SEC11C: variants seen among roughly 807,000 people sequenced by gnomAD.
SEC11C encodes the protein SEC11 homolog C, signal peptidase complex subunit, also known as signal peptidase complex catalytic subunit SEC11C.
In SEC11C, 10 loss-of-function variants were observed where a neutral mutation model predicts 21.9. That is an observed-to-expected ratio of 0.46 (90% CI 0.28 to 0.77). SEC11C has a LOEUF of 0.77. Ranked by LOEUF, SEC11C falls within the 30% of genes least tolerant of loss-of-function variation. SEC11C has a pLI of 0.12. For synonymous variants in SEC11C, 83 were observed against 85.6 expected, an observed-to-expected ratio of 0.97 and a Z score of 0.17; for missense variants, 145 against 244.5, an observed-to-expected ratio of 0.59 and a Z score of 2.71.
intron 1 of SEC11C, among the ~76,000 whole-genome samples, chr18:59,143,352 C>CAAAAA (rs36204971): frequency 4.3e-4 from 48 of 111,156 alleles, no homozygotes; most frequent in African/African-American, 9.1e-4. Flanking sequence ...GACTCCATTT[C>CAAAAA]AAAAAAAAAA....
intron 1 of SEC11C, among the ~76,000 whole-genome samples, chr18:59,146,042 C>T (rs1032666574): frequency 2.6e-5 from 4 of 152,268 alleles, no homozygotes; most frequent in South Asian, 2.1e-4. Context: ...CATGAAGTGG[C>T]GCATGACCGC....
chr18:59,153,694 G>A (rs1568067028), intron 3 of SEC11C, among the ~76,000 whole-genome samples: 2 of 151,656 alleles, frequency 1.3e-5, no homozygotes. Context: ...GGGACTACAA[G>A]CATGCACCAT....
intron 3 of SEC11C, 102 bp downstream of exon 3, chr18:59,152,787 GCCAT>G: frequency 9.7e-7 from 1 of 1,026,868 alleles, no homozygotes; most frequent in Non-Finnish European, 1.4e-6. Context: ...TCTGAGTTCT[GCCAT>G]TGACTCACTG....
Position 59,152,643 on chromosome 18 carries a change from G to C in SEC11C, c.305G>C (p.Arg102Pro). ...ATAGTTGTTTTTAAAGTTGAAGGAC[G>C]AGACATTCCAATAGTTCACAGAGTA... The part of the protein sequence containing the change: ...GEIVVFKVEG[R>P]DIPIVHRVIK... Residue 102 changes from arginine (R) to proline (P), a missense_variant, in exon 3 of 6, where the codon CGA becomes CCA. Coordinates refer to ENST00000587834, the MANE Select transcript of SEC11C (RefSeq NM_033280.4). 6.2e-7 allele frequency: 1 copy of C among 1,613,034 alleles called. No homozygotes were observed. Among genetic ancestry groups the C allele is most frequent in the East Asian group, 2.2e-5 (1 of 44,856 alleles).
intron 1 of SEC11C, among the ~76,000 whole-genome samples, chr18:59,148,959 C>T (rs1285570399): frequency 6.6e-6 from 1 of 152,216 alleles, no homozygotes; most frequent in Non-Finnish European, 1.5e-5. Context: ...CCTTTTAAAA[C>T]ATTTATGAAA....
At chr18:59,145,379 G>T (rs966262429) in intron 1 of SEC11C, among the ~76,000 whole-genome samples, 8 of 152,186 alleles carry the variant, frequency 5.3e-5, no homozygotes, top group Non-Finnish European at 1.0e-4. Context: ...CTGATTTCTG[G>T]TCTAGCCAGT....
intron 1 of SEC11C, among the ~76,000 whole-genome samples, chr18:59,142,132 G>A (rs970203421): frequency 6.6e-6 from 1 of 152,140 alleles, no homozygotes; most frequent in Admixed American, 6.5e-5. Flanking sequence ...AGGATTTTAT[G>A]CCTAGAATCT....
intron 1 of SEC11C, among the ~76,000 whole-genome samples, chr18:59,148,518 C>T (rs957065601): frequency 1.5e-4 from 23 of 152,206 alleles, no homozygotes; most frequent in Non-Finnish European, 1.0e-4. Flanking sequence ...TGGGTCTAAA[C>T]GCAGTGGTCT....
At position 59,139,892 on chromosome 18, in the gene SEC11C, C is replaced by T. The variant is rs2069187930; in HGVS notation, c.-57C>T. ...GGTGGGCGGGGGCCGGCAGGTGCTCCGCAGCCGTCTGTGCCACCCAGAGCC... is the reference window on the plus strand; with the variant it reads ...GGTGGGCGGGGGCCGGCAGGTGCTCTGCAGCCGTCTGTGCCACCCAGAGCC... On this transcript the variant is annotated 5_prime_UTR_variant, in exon 1 of 6. Coordinates refer to ENST00000587834, the MANE Select transcript of SEC11C (RefSeq NM_033280.4). 3 of 1,328,504 alleles carry T rather than the reference C, an allele frequency of 2.3e-6. No individual in the cohort carries two copies. The highest frequency in any genetic ancestry group is 2.8e-4 in the Middle Eastern group (1 of 3,614). 82.3% of individuals were successfully genotyped at this position (1,328,504 alleles called of 1,614,324 possible).
intron 4 of SEC11C, 157 bp from the exon 5 acceptor site, chr18:59,157,451 C>G (rs1176114265): frequency 1.7e-6 from 1 of 580,332 alleles, no homozygotes; most frequent in African/African-American, 1.9e-5. Context: ...ACTAATAAAG[C>G]TGTTTGAGAC....
At chr18:59,155,980 C>A in intron 4 of SEC11C, 173 bp downstream of exon 4, 2 of 658,452 alleles carry the variant, frequency 3.0e-6, no homozygotes, top group Non-Finnish European at 4.9e-6. Flanking sequence ...TCCTAAAGAC[C>A]TAAAATCTAA....
intron 1 of SEC11C, among the ~76,000 whole-genome samples, chr18:59,146,542 C>T (rs964950001): frequency 2.6e-5 from 4 of 151,930 alleles, no homozygotes; most frequent in African/African-American, 9.7e-5. Context: ...AAGGCAGGGG[C>T]TGAGGGTTCG....
At chr18:59,155,634 TTAA>T in intron 3 of SEC11C, 51 bp from the exon 4 acceptor site, 1 of 1,574,848 alleles carries the variant, frequency 6.3e-7, no homozygotes, top group African/African-American at 1.4e-5. Context: ...AATATTTTTG[TTAA>T]TGATGCTGTG....
chr18:59,143,366 A>G (rs2069233703), intron 1 of SEC11C, among the ~76,000 whole-genome samples: 1 of 151,792 alleles, frequency 6.6e-6, no homozygotes, highest in Non-Finnish European at 1.5e-5. Context: ...AAAAAAAAAA[A>G]AAAAAAAAAG....
chr18:59,157,538 GT>G, intron 4 of SEC11C, 69 bp from the exon 5 acceptor site: 1 of 1,019,044 alleles, frequency 9.8e-7, no homozygotes, highest in South Asian at 1.3e-5. Flanking sequence ...GATCTATAGT[GT>G]TTTCAGATGT....
chr18:59,149,675 T>G, intron 2 of SEC11C, 53 bp downstream of exon 2: 1 of 1,189,384 alleles, frequency 8.4e-7, no homozygotes, highest in South Asian at 1.3e-5. Flanking sequence ...AAGGCTGCCT[T>G]GGGCCTGAGG....
intron 1 of SEC11C, among the ~76,000 whole-genome samples, 180 bp downstream of exon 1, chr18:59,140,215 C>T (rs984628998): frequency 1.3e-5 from 2 of 152,248 alleles, no homozygotes; most frequent in African/African-American, 4.8e-5. Context: ...GTGTGCACTT[C>T]CTTGCCCTGA....
rs189717946 is a variant in SEC11C, at chr18:59,148,646, C to T, written c.88-867C>T. On this transcript the variant is annotated intron_variant, in intron 1 of 5. Coordinates refer to ENST00000587834, the MANE Select transcript of SEC11C (RefSeq NM_033280.4). ...TTTTTTTTTTTGAGACGGAGTCTCG[C>T]TGTGTCGCCCAGGCTGGAGTGCAGT... Among the ~76,000 whole-genome samples, 51 of 149,646 alleles carry T rather than the reference C, an allele frequency of 3.4e-4. 1 individual carries two copies. In the East Asian group the frequency reaches 8.9e-3, roughly 26 times the overall value.
intron 1 of SEC11C, among the ~76,000 whole-genome samples, chr18:59,140,359 G>T (rs1421167721): frequency 6.6e-6 from 1 of 152,238 alleles, no homozygotes; most frequent in East Asian, 1.9e-4. Flanking sequence ...CTCTCTGAGC[G>T]TATTTGAAGG....
Sources: gnomAD v4.1 joint callset for allele counts (sites outside exome capture counted in the v4.1 genomes callset) on GRCh38, gnomAD v4.1.1 for gene constraint, MANE v1.5 for transcripts, NCBI Gene and HGNC (gene_info 2026-07-23, HGNC 2026-07-21) for gene names.